DYRK4: variants seen among roughly 807,000 people sequenced by gnomAD.
DYRK4 encodes dual specificity tyrosine phosphorylation regulated kinase 4.
DYRK4 carries 64 observed loss-of-function variants against 68.3 expected under a neutral mutation model. The observed-to-expected ratio is 0.94, with a 90% CI of 0.77 to 1.15. DYRK4 has a LOEUF of 1.15. DYRK4 is among the 50% of genes most tolerant of loss of function. The pLI is 0.00. For missense variants in DYRK4, 740 were observed against 764.7 expected, an observed-to-expected ratio of 0.97 and a Z score of 0.38; for synonymous variants, 274 against 289.9, an observed-to-expected ratio of 0.95 and a Z score of 0.56.
At chr12:4,606,826 T>C (rs1242592161) in intron 11 of DYRK4, among the ~76,000 whole-genome samples, 1 of 152,218 alleles carries the variant, frequency 6.6e-6, no homozygotes, top group Non-Finnish European at 1.5e-5. Flanking sequence ...CACACTGTAA[T>C]TTCCTTATCT....
intron 2 of DYRK4, among the ~76,000 whole-genome samples, chr12:4,584,977 C>T (rs982076606): frequency 9.2e-5 from 14 of 152,098 alleles, no homozygotes; most frequent in African/African-American, 3.1e-4. Context: ...AACCCAAGTG[C>T]TTAGCTAGCT....
intron 4 of DYRK4, 76 bp downstream of exon 4, chr12:4,590,516 C>T: frequency 6.6e-7 from 1 of 1,506,672 alleles, no homozygotes; most frequent in Non-Finnish European, 8.8e-7. Context: ...TTTAGAAAGG[C>T]CCAGGATAGT....
At chr12:4,604,781 TAA>T in intron 10 of DYRK4, 131 bp from the exon 11 acceptor site, 1 of 1,106,290 alleles carries the variant, frequency 9.0e-7, no homozygotes, top group Non-Finnish European at 1.2e-6. Context: ...ATGGGAGTTC[TAA>T]GTGCTGGCCA....
intron 1 of DYRK4, among the ~76,000 whole-genome samples, chr12:4,564,844 A>G (rs1206412491): frequency 6.6e-6 from 1 of 152,220 alleles, no homozygotes; most frequent in African/African-American, 2.4e-5. Flanking sequence ...CAGGATCACC[A>G]TCTATGTCTC....
At chr12:4,589,245 G>A (rs1316565768) in intron 3 of DYRK4, among the ~76,000 whole-genome samples, 1 of 152,000 alleles carries the variant, frequency 6.6e-6, no homozygotes, top group African/African-American at 2.4e-5. Flanking sequence ...TATATAGTAG[G>A]TACATATATT....
intron 2 of DYRK4, among the ~76,000 whole-genome samples, chr12:4,584,552 C>CTT (rs35018398): frequency 0.033 from 3,455 of 103,826 alleles, 163 homozygotes; most frequent in African/African-American, 0.048. Flanking sequence ...TCTAATCAGC[C>CTT]TTTTTTTTTT....
chr12:4,566,906 G>T lies in DYRK4; in HGVS notation c.39-1049G>T, dbSNP rs144911900. On this transcript the variant is annotated intron_variant, in intron 1 of 14. Coordinates refer to ENST00000543431, the MANE Select transcript of DYRK4 (RefSeq NM_001394779.1). ...TTCTTCTAGATCTTTCAATATGCCTGTATAAAGACATGCAAGCATTTTGTT... is the reference window on the plus strand; with the variant it reads ...TTCTTCTAGATCTTTCAATATGCCTTTATAAAGACATGCAAGCATTTTGTT... Among the ~76,000 whole-genome samples the T allele has an allele frequency of 6.7e-4, 102 of 152,238 alleles. No individual in the cohort carries two copies. In the East Asian group the frequency reaches 0.019, roughly 28 times the overall value.
chr12:4,591,492 C>A lies in DYRK4; in HGVS notation c.463+194C>A. The A allele has an allele frequency of 1.4e-6, 1 of 720,664 alleles. No individual in the cohort carries two copies. The highest frequency in any genetic ancestry group is 2.1e-6 in the Non-Finnish European group (1 of 469,084). 44.6% of individuals were successfully genotyped at this position (720,664 alleles called of 1,614,324 possible). On this transcript the variant is annotated intron_variant, in intron 5 of 14. Transcript: ENST00000543431. The surrounding 1 kb of genome is among the most constrained non-coding windows in gnomAD (Gnocchi z 4.1). ...TATAAGCAAGAGGCTGAATAGGAGG[C>A]TGAATTTCCCCCAAGGAGTGGCTCT...
intron 1 of DYRK4, among the ~76,000 whole-genome samples, chr12:4,562,566 G>A (rs1944638195): frequency 1.3e-5 from 2 of 152,230 alleles, no homozygotes; most frequent in Non-Finnish European, 2.9e-5. Context: ...GACAGGGAGC[G>A]AGGGGTTCTG....
At chr12:4,605,745 T>G (rs928734809) in intron 11 of DYRK4, among the ~76,000 whole-genome samples, 15 of 147,244 alleles carry the variant, frequency 1.0e-4, no homozygotes, top group Non-Finnish European at 1.6e-4. Flanking sequence ...TTTTTTTTTT[T>G]TTTTTTTTTT....
In DYRK4 at chr12:4,589,015, A is replaced by C. The variant is rs933827825; in HGVS notation, c.211A>C (p.Lys71Gln). The change falls in exon 3 of 15, where the codon AAG (lysine) becomes CAG (glutamine). Residue 71 changes from lysine (K) to glutamine (Q), a missense_variant and splice_region_variant. This residue lies in a region of DYRK4 where 56 missense variants were observed against 89.9 expected (regional missense o/e 0.62). Transcript: ENST00000543431. ...KNSRMTQVFHKNTSVTSLPFV... is the reference protein window; with the variant it reads ...KNSRMTQVFHQNTSVTSLPFV... The stretch of plus-strand genomic sequence containing the variant: ...CTCCAGAATGACCCAAGTCTTTCAT[A>C]AGGTAGGGAGTGATGGTCAGCTCCT... 12 of 1,535,952 alleles carry C rather than the reference A, an allele frequency of 7.8e-6. No individual in the cohort carries two copies. In the African/African-American group the frequency reaches 1.5e-4, roughly 19 times the overall value.
chr12:4,562,347 G>A, intron 1 of DYRK4, 64 bp downstream of exon 1: 1 of 1,496,352 alleles, frequency 6.7e-7, no homozygotes, highest in Non-Finnish European at 8.9e-7. Flanking sequence ...AGGCGACGAA[G>A]CTTCTGGTCG....
chr12:4,602,577 G>A (rs1167335337), intron 10 of DYRK4: 2 of 1,293,388 alleles, frequency 1.5e-6, no homozygotes, highest in South Asian at 2.4e-5. Flanking sequence ...CTGTTGATGA[G>A]TGAGTGACAA....
intron 2 of DYRK4, 89 bp downstream of exon 2, chr12:4,568,137 A>G (rs1424199010): frequency 1.0e-5 from 13 of 1,247,810 alleles, no homozygotes; most frequent in African/African-American, 1.5e-5. Context: ...TTGTGCCCCA[A>G]GCACCTCTGG....
chr12:4,588,080 G>T (rs1944915250), intron 2 of DYRK4, among the ~76,000 whole-genome samples: 1 of 152,162 alleles, frequency 6.6e-6, no homozygotes, highest in Non-Finnish European at 1.5e-5. Flanking sequence ...TTTTTGTAGA[G>T]ACAAGGTCTC....
intron 11 of DYRK4, 104 bp from the exon 12 acceptor site, chr12:4,607,223 T>C (rs1441332745): frequency 7.6e-7 from 1 of 1,310,266 alleles, no homozygotes; most frequent in Admixed American, 1.8e-5. Flanking sequence ...ATGCTTTGAA[T>C]CCTTATCTGT....
intron 1 of DYRK4, chr12:4,563,074 GC>G: frequency 2.2e-6 from 1 of 456,068 alleles, no homozygotes; most frequent in Admixed American, 2.3e-5. Flanking sequence ...TGGAGACTCG[GC>G]AAAAGCAGGA....
In DYRK4 at chr12:4,612,535, G is replaced by T. The variant is rs1253725171; in HGVS notation, c.1491-8G>T. 7 of 1,611,342 alleles carry T rather than the reference G, an allele frequency of 4.3e-6. No homozygotes were observed. The highest frequency in any genetic ancestry group is 5.1e-6 in the Non-Finnish European group (6 of 1,178,310). ...CAATAACCCATGTGGGGCTTTGTTGGGGTGCAGATGGGAACCTTCTCTTCG... is the reference window on the plus strand; with the variant it reads ...CAATAACCCATGTGGGGCTTTGTTGTGGTGCAGATGGGAACCTTCTCTTCG... On this transcript the variant is annotated splice_polypyrimidine_tract_variant and splice_region_variant and intron_variant, in intron 13 of 14. Transcript: ENST00000543431.
At chr12:4,583,391 C>A (rs1175359282) in intron 2 of DYRK4, among the ~76,000 whole-genome samples, 1 of 151,972 alleles carries the variant, frequency 6.6e-6, no homozygotes. Context: ...GTCCACGTCC[C>A]CATCGTTCAC....
Sources: gnomAD v4.1 joint callset for allele counts (sites outside exome capture counted in the v4.1 genomes callset) on GRCh38, gnomAD v4.1.1 for gene constraint, gnomAD v4.1.1 regional missense constraint, Gnocchi (gnomAD v3.1) non-coding constraint, MANE v1.5 for transcripts, NCBI Gene and HGNC (gene_info 2026-07-23, HGNC 2026-07-21) for gene names.